The following ATM variants were observed in gnomAD, a reference collection of about 807,000 sequenced individuals.
The protein encoded by ATM is ATM serine/threonine kinase, also known as serine-protein kinase ATM.
A neutral mutation model predicts 387.0 loss-of-function variants in ATM; 308 were observed. That is an observed-to-expected ratio of 0.80 (90% CI 0.73 to 0.87). ATM has a LOEUF of 0.87. ATM is among the 40% of genes least tolerant of loss of function. The pLI is 0.00. For missense variants in ATM, 3,312 were observed against 3,560.9 expected (o/e 0.93, Z 1.78); for synonymous variants, 1,156 against 1,187.3 (o/e 0.97, Z 0.54).
In ATM at chr11:108,329,336, G is replaced by A. The variant is rs2086017198; in HGVS notation, c.7307+98G>A. The A allele has an allele frequency of 2.7e-6, 3 of 1,107,672 alleles. No homozygotes were observed. The African/African-American group carries it at 4.8e-5, about 18-fold the overall frequency. 68.6% of individuals were successfully genotyped at this position (1,107,672 alleles called of 1,614,324 possible). On this transcript the variant is annotated intron_variant, in intron 49 of 62. Transcript: ENST00000675843. ...TGACTTGGTCTTTTTATCTGATATAGTTTTGAGCTCTAAAGGTCGGCTTAA... is the reference window on the plus strand; with the variant it reads ...TGACTTGGTCTTTTTATCTGATATAATTTTGAGCTCTAAAGGTCGGCTTAA...
chr11:108,332,771 G>C lies in ATM; in HGVS notation c.7798G>C (p.Glu2600Gln), dbSNP rs2086405495. 6.2e-7 allele frequency: 1 copy of C among 1,612,820 alleles called. No homozygotes were observed. The highest frequency in any genetic ancestry group is 1.3e-5 in the African/African-American group (1 of 74,892). ...TGTTTTTTATTAATAGGATCGAACAGAGGCTGCAAATAGAATAATATGTAC... is the reference window on the plus strand; with the variant it reads ...TGTTTTTTATTAATAGGATCGAACACAGGCTGCAAATAGAATAATATGTAC... ...QSSQLDEDRTEAANRIICTIR... is the reference protein window; with the variant it reads ...QSSQLDEDRTQAANRIICTIR... Residue 2600 changes from glutamate to glutamine, a missense_variant, in exon 53 of 63, where the codon GAG becomes CAG. Physicochemically the swap from Glu to Gln is conservative, Grantham distance 29. Coordinates refer to ENST00000675843, the MANE Select transcript of ATM (RefSeq NM_000051.4).
intron 22 of ATM, among the ~76,000 whole-genome samples, chr11:108,274,672 T>A (rs1177048115): frequency 1.3e-5 from 2 of 152,274 alleles, no homozygotes; most frequent in African/African-American, 4.8e-5. Flanking sequence ...CATGTAGTTG[T>A]GTGGTTTTGA....
rs786202935 is a variant in ATM, at chr11:108,257,477, A to G, written c.2251-4A>G. On this transcript the variant is annotated splice_region_variant and splice_polypyrimidine_tract_variant and intron_variant, in intron 14 of 62. Coordinates refer to ENST00000675843, the MANE Select transcript of ATM (RefSeq NM_000051.4). ...ATTTGCATTTTTCCTTCTATTCACA[A>G]TAGTCTCTAATGCAATGTGCAGGAG... is the stretch of plus-strand genomic sequence containing the variant. 3 of 1,612,730 alleles carry G rather than the reference A, an allele frequency of 1.9e-6. No individual in the cohort carries two copies. Among genetic ancestry groups the G allele is most frequent in the Non-Finnish European group, 1.7e-6 (2 of 1,179,754 alleles).
intron 59 of ATM, among the ~76,000 whole-genome samples, chr11:108,352,637 A>G (rs980284103): frequency 1.3e-5 from 2 of 152,256 alleles, no homozygotes; most frequent in Admixed American, 1.3e-4. Flanking sequence ...TATTCATAAT[A>G]GCCAAGAACC....
rs145453814 is a variant in ATM at position 108,299,764 on chromosome 11, A to G, written c.5056A>G (p.Ile1686Val). The change falls in exon 34 of 63, where the codon ATA becomes GTA. Residue 1686 changes from isoleucine (I) to valine (V), a missense_variant. Ile to Val is a conservative substitution (Grantham distance 29, BLOSUM62 3). This residue lies in a region of ATM where 1,405 missense variants were observed against 1,604.4 expected (regional missense o/e 0.88). Transcript: ENST00000675843. ...GEVGPIDFST[I>V]AIQHSKDASY... Reference sequence around the variant, plus strand: ...AGTGGGTCCTATAGATTTCTCTACCATAGCTATACAACATAGTAAAGATGC... The same window carrying G: ...AGTGGGTCCTATAGATTTCTCTACCGTAGCTATACAACATAGTAAAGATGC... 42 of 1,613,908 alleles carry G rather than the reference A, an allele frequency of 2.6e-5. No individual in the cohort carries two copies. The highest frequency in any genetic ancestry group is 3.5e-5 in the Non-Finnish European group (41 of 1,179,956).
chr11:108,269,598 C>T (rs1188202774), intron 18 of ATM, among the ~76,000 whole-genome samples: 1 of 152,186 alleles, frequency 6.6e-6, no homozygotes, highest in East Asian at 1.9e-4. Flanking sequence ...ACTAATCTAA[C>T]CATGTGGGCC....
At chr11:108,279,078 A>C (rs2135637603) in intron 22 of ATM, among the ~76,000 whole-genome samples, 1 of 152,350 alleles carries the variant, frequency 6.6e-6, no homozygotes, top group African/African-American at 2.4e-5. Flanking sequence ...AACAAAATTT[A>C]AATGGTACAT....
chr11:108,281,086 G>A lies in ATM; in HGVS notation c.3494G>A (p.Ser1165Asn). The A allele has an allele frequency of 6.2e-7, 1 of 1,613,850 alleles. No homozygotes were observed. The highest frequency in any genetic ancestry group is 1.1e-5 in the South Asian group (1 of 91,070). ...TTGATAGCTGTGGTTTTATCCTGTA[G>A]CCCTATCTGCGAAAAACAGGCTTTG... ...LTLIAVVLSC[S>N]PICEKQALFA... The change falls in exon 24 of 63, where the codon AGC (serine) becomes AAC (asparagine). Residue 1165 changes from serine to asparagine, a missense_variant. By Grantham distance (46) the Ser-to-Asn change is conservative (BLOSUM62 1). Coordinates refer to ENST00000675843, the MANE Select transcript of ATM (RefSeq NM_000051.4).
intron 38 of ATM, chr11:108,308,857 G>T: frequency 1.6e-6 from 1 of 635,642 alleles, no homozygotes. Context: ...TTACCTTAGA[G>T]TTTTATACCA....
intron 20 of ATM, 75 bp downstream of exon 20, chr11:108,271,481 T>A (rs928101989): frequency 7.1e-5 from 108 of 1,521,724 alleles, no homozygotes; most frequent in Non-Finnish European, 9.1e-5. Context: ...TGTATCCACA[T>A]CAGTGATTTC....
intron 16 of ATM, among the ~76,000 whole-genome samples, chr11:108,260,377 A>T: frequency 6.6e-6 from 1 of 152,092 alleles, no homozygotes. Context: ...AGTGGTTTCT[A>T]GTTTTTTGGG....
intron 29 of ATM, among the ~76,000 whole-genome samples, chr11:108,291,200 C>CA (rs2082775839): frequency 6.6e-6 from 1 of 152,058 alleles, no homozygotes; most frequent in South Asian, 2.1e-4. Flanking sequence ...CGCACCACTG[C>CA]ACTCCAGCCT....
chr11:108,343,454 A>C (rs1156979763), intron 57 of ATM, 83 bp downstream of exon 57: 2 of 1,532,490 alleles, frequency 1.3e-6, no homozygotes, highest in East Asian at 4.6e-5. Flanking sequence ...ATTATAGAAT[A>C]CAAAAAAACT....
Position 108,257,494 on chromosome 11 carries a change from G to A in ATM, c.2264G>A (p.Cys755Tyr), listed in dbSNP as rs876660916. 12 of 1,613,150 alleles carry A rather than the reference G, an allele frequency of 7.4e-6. No individual in the cohort carries two copies. The highest frequency in any genetic ancestry group is 1.7e-4 in the Middle Eastern group (1 of 6,004). ...LFQKAKSLMQ[C>Y]AGESITLFKN... is the part of the protein sequence containing the mutation. ...TATTCACAATAGTCTCTAATGCAAT[G>A]TGCAGGAGAAAGTATCACTCTGTTT... Residue 755 changes from cysteine to tyrosine, a missense_variant, in exon 15 of 63, where the codon TGT (cysteine) becomes TAT (tyrosine). This residue lies in a region of ATM where 1,791 missense variants were observed against 1,804.5 expected (regional missense o/e 0.99). Coordinates refer to ENST00000675843, the MANE Select transcript of ATM (RefSeq NM_000051.4).
intron 4 of ATM, among the ~76,000 whole-genome samples, chr11:108,235,189 T>G (rs912852609): frequency 1.3e-5 from 2 of 151,068 alleles, no homozygotes; most frequent in Admixed American, 6.6e-5. Flanking sequence ...CTCAGCTACT[T>G]GGAGGCTGAG....
In ATM at chr11:108,348,769, T is replaced by C. The variant is rs141753682; in HGVS notation, c.8671+1404T>C. The stretch of plus-strand genomic sequence containing the variant: ...TGAGAGGAGAGAAAATATGCCATAT[T>C]CACTATAAAACAAAGAAGAAAACCC... On this transcript the variant is annotated intron_variant, in intron 59 of 62. Transcript: ENST00000675843. Among the ~76,000 whole-genome samples the C allele has an allele frequency of 3.1e-3, 476 of 152,254 alleles. 1 individual carries two copies. The highest frequency in any genetic ancestry group is 0.011 in the African/African-American group (459 of 41,532).
intron 16 of ATM, among the ~76,000 whole-genome samples, chr11:108,259,825 A>G (rs2080751015): frequency 6.6e-6 from 1 of 152,208 alleles, no homozygotes; most frequent in Non-Finnish European, 1.5e-5. Context: ...ACTGCCGGGC[A>G]TACAAAGTAG....
intron 49 of ATM, 82 bp downstream of exon 49, chr11:108,329,320 C>G: frequency 1.6e-6 from 2 of 1,244,974 alleles, no homozygotes; most frequent in South Asian, 2.6e-5. Flanking sequence ...GTGACTTGGT[C>G]TTTTTATCTG....
rs543688976 is a variant in ATM at position 108,321,853 on chromosome 11, G to T, written c.6572+433G>T. On this transcript the variant is annotated intron_variant, in intron 45 of 62. Coordinates refer to ENST00000675843, the MANE Select transcript of ATM (RefSeq NM_000051.4). ...CTTTCCTTTTATCAAGATATAAGTT[G>T]ATTAGCCCTAGTGAATTGTGCTTTT... 5.3e-5 allele frequency among the ~76,000 whole-genome samples: 8 copies of T among 151,312 alleles called. No homozygotes were observed. The South Asian group carries it at 1.7e-3, about 32-fold the overall frequency.
Sources: gnomAD v4.1 joint callset for allele counts (sites outside exome capture counted in the v4.1 genomes callset) on GRCh38, gnomAD v4.1.1 for gene constraint, gnomAD v4.1.1 regional missense constraint, MANE v1.5 for transcripts, NCBI Gene and HGNC (gene_info 2026-07-23, HGNC 2026-07-21) for gene names.